PCDHGB2: variants seen among roughly 807,000 people sequenced by gnomAD.
The protein encoded by PCDHGB2 is protocadherin gamma-B2.
In PCDHGB2, 55 loss-of-function variants were observed where a neutral mutation model predicts 59.3. The ratio of observed to expected loss-of-function variants is 0.93; its 90% CI spans 0.75 to 1.16. PCDHGB2 has a LOEUF of 1.16. Among genes scored for constraint, PCDHGB2 ranks in the 50% most tolerant of loss-of-function variants. The pLI is 0.00. For synonymous variants in PCDHGB2, 516 were observed against 512.0 expected (o/e 1.01, Z -0.11); for missense variants, 1,228 against 1,198.5 (o/e 1.02, Z -0.36).
chr5:141,394,433 G>A lies in PCDHGB2; in HGVS notation c.2421+31877G>A, dbSNP rs1180818373. ...TAACAGCCAGCGACAGCGGGGACCC[G>A]CCCCTCAGCAGCAACATGTCACTGA... On this transcript the variant is annotated intron_variant, in intron 1 of 3. Coordinates refer to ENST00000522605, the MANE Select transcript of PCDHGB2 (RefSeq NM_018923.3). 3.7e-6 allele frequency: 6 copies of A among 1,614,088 alleles called. No homozygotes were observed. The East Asian group carries it at 8.9e-5, about 24-fold the overall frequency.
At chr5:141,448,069 T>G (rs1184496754) in intron 1 of PCDHGB2, among the ~76,000 whole-genome samples, 1 of 151,202 alleles carries the variant, frequency 6.6e-6, no homozygotes, top group African/African-American at 2.4e-5. Context: ...CTGGGCAACA[T>G]GAACGAAATG....
At chr5:141,393,189 A>G (rs1561640968) in intron 1 of PCDHGB2, 1 of 1,613,404 alleles carries the variant, frequency 6.2e-7, no homozygotes, top group Admixed American at 1.7e-5. Context: ...AATAATTGAT[A>G]TTAACGATAA....
intron 1 of PCDHGB2, among the ~76,000 whole-genome samples, chr5:141,469,088 G>A (rs1388316490): frequency 6.6e-6 from 1 of 151,604 alleles, no homozygotes; most frequent in Non-Finnish European, 1.5e-5. Context: ...ACCATTCTAG[G>A]CAACAAAGCA....
chr5:141,505,443 C>A lies in PCDHGB2; in HGVS notation c.2531C>A (p.Thr844Lys). ...TGTWPNNQFD[T>K]EMLQAMILAS... ...ACCTGGCCCAACAACCAGTTTGACA[C>A]AGAGATGCTGCAAGCCATGATCTTG... Residue 844 changes from threonine to lysine, a missense_variant, in exon 3 of 4, where the codon ACA becomes AAA. Physicochemically the swap from Thr to Lys is moderately conservative, Grantham distance 78. Transcript: ENST00000522605. 2 of 1,614,224 alleles carry A rather than the reference C, an allele frequency of 1.2e-6. No homozygotes were observed. Among genetic ancestry groups the A allele is most frequent in the Non-Finnish European group, 8.5e-7 (1 of 1,180,042 alleles).
At chr5:141,427,780 T>C (rs2097069858) in intron 1 of PCDHGB2, 1 of 1,456,004 alleles carries the variant, frequency 6.9e-7, no homozygotes. Flanking sequence ...CTGCGGGCAC[T>C]GTCGTCCTAC....
At chr5:141,394,883 ACT>A (rs1415060925) in intron 1 of PCDHGB2, 4 of 1,611,604 alleles carry the variant, frequency 2.5e-6, no homozygotes, top group Admixed American at 1.7e-5. Context: ...CGAGCCTTAC[ACT>A]CTATCTCGTG....
In PCDHGB2 at chr5:141,457,578, C is replaced by T. The variant is rs538068150; in HGVS notation, c.2422-37229C>T. Among the ~76,000 whole-genome samples, 38 of 152,304 alleles carry T rather than the reference C, an allele frequency of 2.5e-4. No individual in the cohort carries two copies. The South Asian group carries it at 7.7e-3, about 31-fold the overall frequency. ...AGCTTTGGAGCAAAATTTTTCTCTC[C>T]AGTCCTCATTTTTGGTAAAAACTAA... On this transcript the variant is annotated intron_variant, in intron 1 of 3. Coordinates refer to ENST00000522605, the MANE Select transcript of PCDHGB2 (RefSeq NM_018923.3).
chr5:141,433,042 G>T (rs752612411), intron 1 of PCDHGB2: 10 of 1,614,024 alleles, frequency 6.2e-6, no homozygotes, highest in East Asian at 4.5e-5. Flanking sequence ...CCCTCACCAC[G>T]GACTCGCGGA....
intron 1 of PCDHGB2, chr5:141,370,668 C>CGA (rs1767111229): frequency 5.0e-6 from 8 of 1,613,644 alleles, no homozygotes; most frequent in Non-Finnish European, 5.9e-6. Context: ...CCGTATAGAC[C>CGA]GAGAGGAGAT....
rs191642740 is a variant in PCDHGB2 at position 141,509,833 on chromosome 5, C to T, written c.2570-1114C>T. On this transcript the variant is annotated intron_variant, in intron 3 of 3. Coordinates refer to ENST00000522605, the MANE Select transcript of PCDHGB2 (RefSeq NM_018923.3). ...GAGCTCTTCTCCATCTTCTCTCTAC[C>T]TCCCATTCACTCAGAACAGGGATAA... 2.6e-5 allele frequency among the ~76,000 whole-genome samples: 4 copies of T among 152,300 alleles called. No individual in the cohort carries two copies. The East Asian group carries it at 7.7e-4, about 29-fold the overall frequency.
intron 3 of PCDHGB2, among the ~76,000 whole-genome samples, chr5:141,506,866 T>C (rs1182560001): frequency 2.6e-5 from 4 of 152,104 alleles, no homozygotes; most frequent in Admixed American, 2.6e-4. Context: ...GACTGGTGGG[T>C]AGAGAACCAG....
At chr5:141,510,677 A>G (rs2099882239) in intron 3 of PCDHGB2, among the ~76,000 whole-genome samples, 2 of 152,212 alleles carry the variant, frequency 1.3e-5, no homozygotes, top group African/African-American at 4.8e-5. Context: ...CTGAAGTGGC[A>G]TAAGGAGGTT....
At chr5:141,368,149 A>G (rs1022944602) in intron 1 of PCDHGB2, among the ~76,000 whole-genome samples, 6 of 152,184 alleles carry the variant, frequency 3.9e-5, no homozygotes, top group African/African-American at 1.4e-4. Context: ...TTGTACTTTT[A>G]AAACCTTGAG....
At chr5:141,404,211 T>G in intron 1 of PCDHGB2, 1 of 1,613,724 alleles carries the variant, frequency 6.2e-7, no homozygotes, top group East Asian at 2.2e-5. Context: ...GAATATAATA[T>G]CACGGTGACT....
intron 1 of PCDHGB2, chr5:141,387,659 G>A: frequency 1.5e-6 from 1 of 650,434 alleles, no homozygotes; most frequent in Non-Finnish European, 2.6e-6. Context: ...GGAGAGCTTG[G>A]CGCTCCAGAT....
intron 2 of PCDHGB2, among the ~76,000 whole-genome samples, chr5:141,502,944 A>G (rs1447378539): frequency 1.4e-5 from 2 of 145,406 alleles, no homozygotes; most frequent in Non-Finnish European, 1.5e-5. Context: ...CCTGGGTTCA[A>G]GCGATTCTCC....
intron 1 of PCDHGB2, among the ~76,000 whole-genome samples, chr5:141,463,438 C>CTTTTTTTTT (rs71576115): frequency 4.8e-5 from 5 of 103,252 alleles, no homozygotes; most frequent in African/African-American, 2.2e-4. Context: ...TTTCCTTCTC[C>CTTTTTTTTT]TTTTTTTTTT....
At chr5:141,387,320 A>C (rs1461293740) in intron 1 of PCDHGB2, among the ~76,000 whole-genome samples, 1 of 152,234 alleles carries the variant, frequency 6.6e-6, no homozygotes, top group East Asian at 1.9e-4. Flanking sequence ...ATGAGTAAGT[A>C]TGGAAAATTA....
At chr5:141,414,640 G>A (rs1035735674) in intron 1 of PCDHGB2, 2 of 1,613,838 alleles carry the variant, frequency 1.2e-6, no homozygotes, top group Non-Finnish European at 1.7e-6. Flanking sequence ...CAAAGAGAAT[G>A]CCCAGATTAT....
Sources: gnomAD v4.1 joint callset for allele counts (sites outside exome capture counted in the v4.1 genomes callset) on GRCh38, gnomAD v4.1.1 for gene constraint, MANE v1.5 for transcripts, NCBI Gene and HGNC (gene_info 2026-07-23, HGNC 2026-07-21) for gene names.